Variants in CADM2 observed in about 807,000 individuals in gnomAD.
CADM2 encodes the protein immunoglobulin superfamily member 4D.
CADM2 carries 12 observed loss-of-function variants against 49.8 expected under a neutral mutation model. The observed-to-expected ratio is 0.24, with a 90% CI of 0.15 to 0.39. CADM2 has a LOEUF of 0.39. Ranked by LOEUF, CADM2 falls within the 10% of genes least tolerant of loss-of-function variation. CADM2 has a pLI of 1.00. For missense variants in CADM2, 378 were observed against 492.3 expected (o/e 0.77, Z 2.20); for synonymous variants, 214 against 175.4 (o/e 1.22, Z -1.74).
intron 8 of CADM2, among the ~76,000 whole-genome samples, chr3:86,053,129 A>T (rs1048059467): frequency 6.6e-6 from 1 of 152,162 alleles, no homozygotes; most frequent in Non-Finnish European, 1.5e-5. Flanking sequence ...CTTCTTCCAA[A>T]ATTCTTCCTA....
At chr3:85,392,311 C>G (rs2034555639) in intron 1 of CADM2, among the ~76,000 whole-genome samples, 1 of 152,002 alleles carries the variant, frequency 6.6e-6, no homozygotes, top group South Asian at 2.1e-4. Context: ...TAGATGTTGA[C>G]TTGAGGCTTT....
At chr3:85,368,439 A>G (rs530417288) in intron 1 of CADM2, among the ~76,000 whole-genome samples, 2 of 151,796 alleles carry the variant, frequency 1.3e-5, no homozygotes, top group Admixed American at 1.3e-4. Context: ...TAATTTTTCC[A>G]TGGTAATAGC....
At chr3:85,564,226 C>T (rs1447788680) in intron 1 of CADM2, among the ~76,000 whole-genome samples, 1 of 151,636 alleles carries the variant, frequency 6.6e-6, no homozygotes, top group Non-Finnish European at 1.5e-5. Flanking sequence ...ATAAAATACA[C>T]GTAACATAAA....
chr3:84,999,613 T>C (rs1430643696), intron 1 of CADM2, among the ~76,000 whole-genome samples: 2 of 152,148 alleles, frequency 1.3e-5, no homozygotes, highest in Non-Finnish European at 2.9e-5. Context: ...GTTTACAGTA[T>C]GAAATCTAAA....
chr3:85,216,459 T>C (rs1462954400), intron 1 of CADM2, among the ~76,000 whole-genome samples: 1 of 151,266 alleles, frequency 6.6e-6, no homozygotes, highest in African/African-American at 2.4e-5. Context: ...ATTTGAGAAC[T>C]GTCCATAAAG....
intron 1 of CADM2, among the ~76,000 whole-genome samples, chr3:85,157,697 G>A (rs1386708136): frequency 9.2e-5 from 14 of 151,884 alleles, no homozygotes; most frequent in Admixed American, 9.2e-4. Context: ...ATTCAAGATG[G>A]ATTAAAGACT....
chr3:85,445,134 G>A (rs1302909626), intron 1 of CADM2, among the ~76,000 whole-genome samples: 1 of 152,054 alleles, frequency 6.6e-6, no homozygotes, highest in Non-Finnish European at 1.5e-5. Flanking sequence ...TTGTTGACGA[G>A]TAAACCGAAA....
chr3:85,386,598 C>A (rs570074348), intron 1 of CADM2, among the ~76,000 whole-genome samples: 1 of 152,092 alleles, frequency 6.6e-6, no homozygotes, highest in Non-Finnish European at 1.5e-5. Context: ...TGACAGTGTG[C>A]GTGTTGTGGG....
intron 1 of CADM2, among the ~76,000 whole-genome samples, chr3:85,196,566 A>G (rs185433967): frequency 2.6e-5 from 4 of 152,102 alleles, no homozygotes; most frequent in Admixed American, 1.3e-4. Flanking sequence ...ATAGGTTTTA[A>G]ATAATTGATT....
At chr3:85,956,754 A>G (rs1269897711) in intron 7 of CADM2, among the ~76,000 whole-genome samples, 9 of 151,510 alleles carry the variant, frequency 5.9e-5, no homozygotes. Flanking sequence ...ATTTAAAAAG[A>G]CATATCTGAA....
At chr3:85,970,939 T>A (rs1463630454) in intron 8 of CADM2, among the ~76,000 whole-genome samples, 2 of 151,430 alleles carry the variant, frequency 1.3e-5, no homozygotes, top group Non-Finnish European at 3.0e-5. Flanking sequence ...GCAACTATTT[T>A]ACAGAATGAA....
chr3:85,048,329 C>A (rs1429386203), intron 1 of CADM2, among the ~76,000 whole-genome samples: 1 of 152,022 alleles, frequency 6.6e-6, no homozygotes, highest in Non-Finnish European at 1.5e-5. Context: ...ATTTGAGAGA[C>A]AGCATAAAGT....
At chr3:85,672,191 CTT>C (rs5850710) in intron 1 of CADM2, among the ~76,000 whole-genome samples, 20 of 124,292 alleles carry the variant, frequency 1.6e-4, no homozygotes, top group Admixed American at 4.3e-4. Flanking sequence ...TCTAGGATGT[CTT>C]TTTTTTTTTT....
At chr3:85,200,360 G>A (rs1326832104) in intron 1 of CADM2, among the ~76,000 whole-genome samples, 1 of 152,034 alleles carries the variant, frequency 6.6e-6, no homozygotes, top group East Asian at 1.9e-4. Flanking sequence ...ATCTTGAACA[G>A]CTAATATTTT....
chr3:85,924,544 A>G (rs964859216), intron 6 of CADM2, among the ~76,000 whole-genome samples: 27 of 152,078 alleles, frequency 1.8e-4, no homozygotes, highest in African/African-American at 6.5e-4. Flanking sequence ...GTGAGCCGAG[A>G]TGGCACCACT....
At position 85,703,751 on chromosome 3, in the gene CADM2, A is replaced by C. The variant is rs532964655; in HGVS notation, c.62-22771A>C. Among the ~76,000 whole-genome samples, 4 of 152,292 alleles carry C rather than the reference A, an allele frequency of 2.6e-5. No homozygotes were observed. In the East Asian group the frequency reaches 7.7e-4, roughly 29 times the overall value. ...GGTTGAAAAGGAAAATTGAGGAATG[A>C]GACGGAAACTTAGCATAATTCAATG... On this transcript the variant is annotated intron_variant, in intron 1 of 9. Coordinates refer to ENST00000383699, the MANE Select transcript of CADM2 (RefSeq NM_001167675.2).
intron 1 of CADM2, among the ~76,000 whole-genome samples, chr3:85,108,371 A>G (rs1317624457): frequency 1.3e-5 from 2 of 152,180 alleles, no homozygotes; most frequent in African/African-American, 4.8e-5. Flanking sequence ...CCTTAAAAGG[A>G]ATGAATTTCT....
At chr3:85,270,608 G>A (rs2106842122) in intron 1 of CADM2, among the ~76,000 whole-genome samples, 1 of 151,198 alleles carries the variant, frequency 6.6e-6, no homozygotes, top group South Asian at 2.1e-4. Context: ...CTGTGAAGCT[G>A]GCCATGATGT....
chr3:85,270,112 TGC>T (rs146846788), intron 1 of CADM2, among the ~76,000 whole-genome samples: 307 of 151,432 alleles, frequency 2.0e-3, no homozygotes, highest in Middle Eastern at 6.8e-3. Flanking sequence ...CTCTTACAAT[TGC>T]CTCAGAAATT....
Sources: gnomAD v4.1 joint callset for allele counts (sites outside exome capture counted in the v4.1 genomes callset) on GRCh38, gnomAD v4.1.1 for gene constraint, MANE v1.5 for transcripts, NCBI Gene and HGNC (gene_info 2026-07-23, HGNC 2026-07-21) for gene names.